INSR: variants seen among roughly 807,000 people sequenced by gnomAD.
INSR encodes the protein insulin receptor.
In INSR, 67 loss-of-function variants were observed where a neutral mutation model predicts 142.6. That is an observed-to-expected ratio of 0.47 (90% CI 0.39 to 0.58). INSR has a LOEUF of 0.58. Ranked by LOEUF, INSR falls within the 20% of genes least tolerant of loss-of-function variation. The pLI, the probability that INSR is intolerant of heterozygous loss-of-function variation, is 0.00. For missense variants in INSR, 1,248 were observed against 1,833.2 expected (o/e 0.68, Z 5.83); for synonymous variants, 756 against 743.1 (o/e 1.02, Z -0.28).
At chr19:7,199,909 TAATA>T (rs889945786) in intron 2 of INSR, among the ~76,000 whole-genome samples, 2 of 151,890 alleles carry the variant, frequency 1.3e-5, no homozygotes, top group Non-Finnish European at 2.9e-5. Context: ...AGTAGGTGCA[TAATA>T]AATCTTGTAG....
intron 9 of INSR, among the ~76,000 whole-genome samples, chr19:7,156,742 G>C (rs1331546224): frequency 6.6e-6 from 1 of 151,196 alleles, no homozygotes; most frequent in African/African-American, 2.4e-5. Flanking sequence ...GCTTATAAAG[G>C]TAGCAGTCCT....
chr19:7,197,914 T>TGA (rs1305228145), intron 2 of INSR, among the ~76,000 whole-genome samples: 5 of 94,778 alleles, frequency 5.3e-5, no homozygotes, highest in Admixed American at 9.5e-5. Flanking sequence ...GGTTCCAGAG[T>TGA]GAGAGTGTGT....
intron 3 of INSR, among the ~76,000 whole-genome samples, chr19:7,179,012 G>C (rs1229286606): frequency 6.6e-6 from 1 of 152,206 alleles, no homozygotes; most frequent in African/African-American, 2.4e-5. Context: ...CTGGGCTCAA[G>C]CGATCCTCCT....
intron 9 of INSR, among the ~76,000 whole-genome samples, chr19:7,154,085 T>C (rs1025595693): frequency 1.7e-3 from 259 of 151,042 alleles, no homozygotes; most frequent in African/African-American, 6.0e-3. Context: ...CGCTTGAACC[T>C]GGGAGGTGGA....
intron 2 of INSR, among the ~76,000 whole-genome samples, chr19:7,214,252 C>T (rs145464384): frequency 1.6e-4 from 24 of 152,252 alleles, no homozygotes; most frequent in African/African-American, 5.1e-4. Context: ...CCCTGGGGCT[C>T]GGAACTTGTT....
In INSR at chr19:7,122,734, T is replaced by C. The variant is rs760837943; in HGVS notation, c.3409A>G (p.Ile1137Val). Reference protein sequence around the residue: ...GRPPPTLQEMIQMAAEIADGM... With the variant: ...GRPPPTLQEMVQMAAEIADGM... ...TCAGCAATCTCTGCCGCCATCTGAA[T>C]CATCTCTTGAAGGGTAGGGGGAGGG... The change falls in exon 19 of 22, where the codon ATT becomes GTT. Residue 1137 changes from isoleucine to valine, a missense_variant. Ile to Val is a conservative substitution (Grantham distance 29). Around this residue, in one of 3 missense-constraint regions of INSR, gnomAD observed 1,069 missense variants for 1,654.0 expected, o/e 0.65. Transcript: ENST00000302850. 6.2e-7 allele frequency: 1 copy of C among 1,614,160 alleles called. No individual in the cohort carries two copies.
intron 2 of INSR, among the ~76,000 whole-genome samples, chr19:7,200,122 GGC>G (rs1555750692): frequency 6.6e-6 from 1 of 151,324 alleles, no homozygotes; most frequent in Non-Finnish European, 1.5e-5. Flanking sequence ...GGAACCAAGG[GGC>G]TTGGACTTTA....
At chr19:7,139,779 T>G (rs1973021485) in intron 13 of INSR, among the ~76,000 whole-genome samples, 1 of 151,974 alleles carries the variant, frequency 6.6e-6, no homozygotes, top group African/African-American at 2.4e-5. Flanking sequence ...TTACTTTTTC[T>G]GTGAAGCTGT....
At chr19:7,292,089 C>CG (rs1555693192) in intron 1 of INSR, among the ~76,000 whole-genome samples, 1 of 90,300 alleles carries the variant, frequency 1.1e-5, no homozygotes, top group East Asian at 4.8e-4. Context: ...CACCACGCCC[C>CG]GCCTTTTTTT....
intron 9 of INSR, among the ~76,000 whole-genome samples, chr19:7,161,029 A>C (rs556129217): frequency 6.7e-6 from 1 of 149,828 alleles, no homozygotes; most frequent in Admixed American, 6.7e-5. Flanking sequence ...TAATAATAAT[A>C]ATTTTAAACT....
intron 2 of INSR, among the ~76,000 whole-genome samples, chr19:7,184,994 T>G (rs1974391030): frequency 6.6e-6 from 1 of 152,146 alleles, no homozygotes; most frequent in South Asian, 2.1e-4. Flanking sequence ...TTACTAAACA[T>G]AAGCTGACAA....
chr19:7,210,520 C>T (rs891473575), intron 2 of INSR, among the ~76,000 whole-genome samples: 2 of 151,982 alleles, frequency 1.3e-5, no homozygotes, highest in Admixed American at 6.6e-5. Context: ...ACTTTCTCCT[C>T]GCTGTGCGAC....
At position 7,128,957 on chromosome 19, in the gene INSR, G is replaced by A. The variant is rs779189421; in HGVS notation, c.2843-3C>T. 1.3e-6 allele frequency: 2 copies of A among 1,594,394 alleles called. No homozygotes were observed. Among genetic ancestry groups the A allele is most frequent in the Admixed American group, 1.7e-5 (1 of 59,998 alleles). On this transcript the variant is annotated splice_region_variant and splice_polypyrimidine_tract_variant and intron_variant, in intron 14 of 21. Transcript: ENST00000302850. ...TGCAATATTTGACGGGACGTCTACT[G>A]AAATAGAATAAGAAAATATATGTTT... is the stretch of plus-strand genomic sequence containing the variant.
At chr19:7,259,396 C>A (rs886480612) in intron 2 of INSR, among the ~76,000 whole-genome samples, 1 of 152,046 alleles carries the variant, frequency 6.6e-6, no homozygotes, top group South Asian at 2.1e-4. Context: ...CTTAACCTCT[C>A]GAAGCCTTAG....
At chr19:7,196,214 C>A (rs537298025) in intron 2 of INSR, among the ~76,000 whole-genome samples, 1 of 152,178 alleles carries the variant, frequency 6.6e-6, no homozygotes, top group Non-Finnish European at 1.5e-5. Context: ...GGATTACAGG[C>A]ATGAGCCACC....
Position 7,150,028 on chromosome 19 carries a change from C to T in INSR, c.2267+469G>A, listed in dbSNP as rs1973294627. Among the ~76,000 whole-genome samples the T allele has an allele frequency of 6.6e-6, 1 of 152,060 alleles. No homozygotes were observed. The highest frequency in any genetic ancestry group is 1.5e-5 in the Non-Finnish European group (1 of 68,020). On this transcript the variant is annotated intron_variant, in intron 11 of 21. Transcript: ENST00000302850. The surrounding 1 kb of genome is among the most constrained non-coding windows in gnomAD (Gnocchi z 4.2). ...CCTCCGTGGAATTCAGTGAGCGACACGGTGTTCTTTTGTTCATACCCTGTC... is the reference window on the plus strand; with the variant it reads ...CCTCCGTGGAATTCAGTGAGCGACATGGTGTTCTTTTGTTCATACCCTGTC...
intron 2 of INSR, among the ~76,000 whole-genome samples, chr19:7,237,600 G>A (rs1454395853): frequency 1.3e-5 from 2 of 152,012 alleles, no homozygotes; most frequent in Admixed American, 6.6e-5. Context: ...TGGATCATGA[G>A]GTCAGGAGAT....
intron 2 of INSR, among the ~76,000 whole-genome samples, chr19:7,208,578 C>T (rs1053268171): frequency 1.3e-5 from 2 of 152,158 alleles, no homozygotes; most frequent in African/African-American, 4.8e-5. Flanking sequence ...AGTGAGAAAA[C>T]AACAGCTGTG....
rs1024189581 is a variant in INSR at position 7,166,784 on chromosome 19, G to A, written c.1611-380C>T. On this transcript the variant is annotated intron_variant, in intron 7 of 21. Coordinates refer to ENST00000302850, the MANE Select transcript of INSR (RefSeq NM_000208.4). The surrounding 1 kb of genome is among the most constrained non-coding windows in gnomAD (Gnocchi z 4.1). The stretch of plus-strand genomic sequence containing the variant: ...AAAATACAAAAATTATCTGGGCATG[G>A]TGGCAGATGCTTGTAATCCCAGCTA... 2.6e-5 allele frequency among the ~76,000 whole-genome samples: 4 copies of A among 152,080 alleles called. No homozygotes were observed. Among genetic ancestry groups the A allele is most frequent in the African/African-American group, 9.7e-5 (4 of 41,398 alleles).
Sources: gnomAD v4.1 joint callset for allele counts (sites outside exome capture counted in the v4.1 genomes callset) on GRCh38, gnomAD v4.1.1 for gene constraint, gnomAD v4.1.1 regional missense constraint, Gnocchi (gnomAD v3.1) non-coding constraint, MANE v1.5 for transcripts, NCBI Gene and HGNC (gene_info 2026-07-23, HGNC 2026-07-21) for gene names.